Variants in SBF2 observed in about 807,000 individuals in gnomAD.
SBF2 encodes myotubularin-related protein 13.
SBF2 carries 112 observed loss-of-function variants against 225.2 expected under a neutral mutation model. The observed-to-expected ratio is 0.50, with a 90% confidence interval of 0.43 to 0.58. SBF2 has a LOEUF of 0.58. Ranked by LOEUF, SBF2 falls within the 20% of genes least tolerant of loss-of-function variation. The probability of loss-of-function intolerance (pLI) is 0.00; values close to 1 mark genes in which losing one functional copy is unlikely to be tolerated. For synonymous variants in SBF2, 763 were observed against 773.3 expected (o/e 0.99, Z 0.22); for missense variants, 1,996 against 2,206.2 (o/e 0.90, Z 1.91).
chr11:9,784,076 T>TA (rs978060709), intron 38 of SBF2, among the ~76,000 whole-genome samples: 2 of 151,982 alleles, frequency 1.3e-5, no homozygotes, highest in Non-Finnish European at 2.9e-5. Flanking sequence ...ATTTGAGCAT[T>TA]AAAAAAAGAG....
At chr11:10,231,001 G>C (rs1465076754) in intron 1 of SBF2, among the ~76,000 whole-genome samples, 2 of 152,098 alleles carry the variant, frequency 1.3e-5, no homozygotes, top group African/African-American at 2.4e-5. Flanking sequence ...TGGAGGCTTT[G>C]TTCATTTCTT....
At chr11:9,804,160 T>A (rs909829567) in intron 32 of SBF2, among the ~76,000 whole-genome samples, 1 of 152,112 alleles carries the variant, frequency 6.6e-6, no homozygotes, top group African/African-American at 2.4e-5. Context: ...AAAACAAACC[T>A]GATAAGCTCT....
At chr11:10,279,296 C>A (rs1477198687) in intron 1 of SBF2, among the ~76,000 whole-genome samples, 1 of 151,212 alleles carries the variant, frequency 6.6e-6, no homozygotes, top group Non-Finnish European at 1.5e-5. Context: ...GCCTGTAATC[C>A]CAGCTACTAG....
chr11:9,831,313 A>G (rs1855384848), intron 27 of SBF2, among the ~76,000 whole-genome samples: 1 of 152,188 alleles, frequency 6.6e-6, no homozygotes, highest in Non-Finnish European at 1.5e-5. Context: ...CTTATGTTCT[A>G]ACATACCCAC....
upstream of SBF2, among the ~76,000 whole-genome samples, chr11:10,294,696 G>T (rs1439126526): frequency 6.6e-6 from 1 of 152,226 alleles, no homozygotes; most frequent in South Asian, 2.1e-4. Flanking sequence ...CGAGCAGACG[G>T]GGGAGGGAGA....
At chr11:9,885,942 A>G (rs1343772242) in intron 17 of SBF2, among the ~76,000 whole-genome samples, 7 of 152,138 alleles carry the variant, frequency 4.6e-5, no homozygotes, top group African/African-American at 1.7e-4. Flanking sequence ...TTCTCCCTTC[A>G]GTACGATCTT....
chr11:10,029,925 A>G (rs756592517), intron 4 of SBF2, 50 bp from the exon 5 acceptor site: 1 of 1,259,042 alleles, frequency 7.9e-7, no homozygotes, highest in African/African-American at 1.5e-5. Context: ...AGCATTAAAA[A>G]TAAATTGTTA....
At chr11:10,301,651 T>C (rs994305204) in intron 1 of SBF2, among the ~76,000 whole-genome samples, 6 of 152,254 alleles carry the variant, frequency 3.9e-5, no homozygotes, top group African/African-American at 1.4e-4. Context: ...TTGATATTTA[T>C]TATTTTTCAA....
intron 1 of SBF2, among the ~76,000 whole-genome samples, chr11:10,249,697 AATGCTATGGGGGAGTCC>A (rs965140536): frequency 6.7e-6 from 1 of 150,244 alleles, no homozygotes; most frequent in African/African-American, 2.4e-5. Context: ...CTAACTTTGG[AATGCTATGGGGGAGTCC>A]ATAGCATTGG....
At chr11:9,883,107 C>A (rs945371889) in intron 17 of SBF2, among the ~76,000 whole-genome samples, 1 of 152,070 alleles carries the variant, frequency 6.6e-6, no homozygotes, top group Non-Finnish European at 1.5e-5. Context: ...GCACTCCAGT[C>A]TGGGCGACAG....
chr11:9,803,790 G>A (rs1039097349), intron 32 of SBF2, among the ~76,000 whole-genome samples: 2 of 151,746 alleles, frequency 1.3e-5, no homozygotes, highest in African/African-American at 4.9e-5. Flanking sequence ...AAAAGGGAGT[G>A]GGGAGAATGG....
At chr11:10,164,039 T>C (rs1289143865) in intron 2 of SBF2, among the ~76,000 whole-genome samples, 2 of 152,176 alleles carry the variant, frequency 1.3e-5, no homozygotes, top group African/African-American at 4.8e-5. Context: ...CTCCCAGTTA[T>C]CCAAATTTGA....
At chr11:10,246,087 A>C (rs1959763741) in intron 1 of SBF2, among the ~76,000 whole-genome samples, 1 of 152,184 alleles carries the variant, frequency 6.6e-6, no homozygotes, top group African/African-American at 2.4e-5. Context: ...ACATTATGGT[A>C]TACTTAAAAT....
chr11:10,269,959 A>C (rs1175754067), intron 1 of SBF2, among the ~76,000 whole-genome samples: 1 of 152,144 alleles, frequency 6.6e-6, no homozygotes, highest in Non-Finnish European at 1.5e-5. Flanking sequence ...TACTACTAAA[A>C]TTTACTGCCT....
At chr11:10,286,351 G>GTTTTTT (rs34975719) in intron 1 of SBF2, among the ~76,000 whole-genome samples, 1 of 142,626 alleles carries the variant, frequency 7.0e-6, no homozygotes, top group Non-Finnish European at 1.5e-5. Context: ...TTGTTCTTTG[G>GTTTTTT]TTTTTTTTTT....
intron 13 of SBF2, among the ~76,000 whole-genome samples, chr11:9,986,966 A>G (rs770475875): frequency 2.0e-5 from 3 of 152,172 alleles, no homozygotes; most frequent in Non-Finnish European, 2.9e-5. Flanking sequence ...AGGAAAGGAC[A>G]TAACCAAAAA....
chr11:10,043,041 T>C (rs1949714828), intron 2 of SBF2, 60 bp from the exon 3 acceptor site: 2 of 1,526,866 alleles, frequency 1.3e-6, no homozygotes, highest in African/African-American at 2.8e-5. Flanking sequence ...ATTATTAATC[T>C]CTGAGAAATT....
chr11:10,180,617 T>C (rs1956701335), intron 2 of SBF2, among the ~76,000 whole-genome samples: 1 of 152,192 alleles, frequency 6.6e-6, no homozygotes, highest in Admixed American at 6.5e-5. Context: ...TATCTTTCTC[T>C]AGTTTGGGGT....
chr11:9,992,950 T>C, intron 11 of SBF2, 40 bp downstream of exon 11: 1 of 1,371,458 alleles, frequency 7.3e-7, no homozygotes, highest in Non-Finnish European at 1.0e-6. Flanking sequence ...TAAATTAGAA[T>C]ATATTTTTTG....
Sources: allele counts gnomAD v4.1 joint callset (sites outside exome capture counted in the v4.1 genomes callset), GRCh38; gene constraint gnomAD v4.1.1; transcripts MANE v1.5; gene names NCBI Gene and HGNC (gene_info 2026-07-23, HGNC 2026-07-21).